Variants in XKR3 observed in about 807,000 individuals in gnomAD.
XKR3 encodes XK related 3.
XKR3 carries 27 observed loss-of-function variants against 40.3 expected under a neutral mutation model. The ratio of observed to expected loss-of-function variants is 0.67; its 90% confidence interval spans 0.49 to 0.92. The LOEUF (loss-of-function observed/expected upper bound fraction) is 0.92, where lower values mean the gene tolerates loss of function less well. Ranked by LOEUF, XKR3 falls within the 40% of genes least tolerant of loss-of-function variation. The probability of loss-of-function intolerance (pLI) is 0.00; values close to 1 mark genes in which losing one functional copy is unlikely to be tolerated. For missense variants in XKR3, 472 were observed against 537.6 expected (o/e 0.88, Z 1.21); for synonymous variants, 193 against 195.4 (o/e 0.99, Z 0.10).
In XKR3 at chr22:16,808,004, CTA is replaced by C. The variant is rs1278114888; in HGVS notation, c.68_69del (p.Ile23SerfsTer13). 1.3e-5 allele frequency: 21 copies of C among 1,613,532 alleles called. No individual in the cohort carries two copies. Among genetic ancestry groups the C allele is most frequent in the Non-Finnish European group, 1.8e-5 (21 of 1,179,808 alleles). On this transcript the variant is annotated frameshift_variant, in exon 2 of 4. Coordinates refer to ENST00000684488, the MANE Select transcript of XKR3 (RefSeq NM_001386955.1). LOFTEE classifies it high-confidence loss of function. ...TGGVSSSKEE[I>X]VLGQRLHLSF... The stretch of plus-strand genomic sequence containing the variant: ...CTTAGATGGAGTCTCTGGCCAAGGA[CTA>C]TTTCTTCTTTCGAAGATGAAACTCC...
intron 3 of XKR3, among the ~76,000 whole-genome samples, chr22:16,784,722 CT>C (rs2060082772): frequency 6.6e-6 from 1 of 152,080 alleles, no homozygotes; most frequent in Non-Finnish European, 1.5e-5. Context: ...ACATTCAGAT[CT>C]GATGCTATAA....
chr22:16,819,615 G>T (rs1316006188), intron 1 of XKR3, among the ~76,000 whole-genome samples: 1 of 152,100 alleles, frequency 6.6e-6, no homozygotes, highest in East Asian at 1.9e-4. Context: ...ATGCAAAATG[G>T]TTCATGAACT....
chr22:16,795,141 C>G (rs1487003556), intron 3 of XKR3, among the ~76,000 whole-genome samples: 13 of 152,240 alleles, frequency 8.5e-5, no homozygotes, highest in African/African-American at 2.4e-4. Flanking sequence ...CTAAGATGGA[C>G]TCTGAGCAAT....
intron 3 of XKR3, among the ~76,000 whole-genome samples, chr22:16,787,816 CAT>C (rs2060097158): frequency 6.6e-6 from 1 of 151,504 alleles, no homozygotes; most frequent in African/African-American, 2.4e-5. Context: ...CAGGAATATA[CAT>C]ATATATTTAT....
rs967099087 is a variant in XKR3 at position 16,784,484 on chromosome 22, A to G, written c.590-75T>C. On this transcript the variant is annotated intron_variant, in intron 3 of 3. Coordinates refer to ENST00000684488, the MANE Select transcript of XKR3 (RefSeq NM_001386955.1). ...GACCACTTTCTTTTTTAAACTTGCC[A>G]TTTTAAGATATATTCTTCCTCACCC... 6 of 1,320,390 alleles carry G rather than the reference A, an allele frequency of 4.5e-6. No homozygotes were observed. The African/African-American group carries it at 7.5e-5, about 16-fold the overall frequency. 81.8% of individuals were successfully genotyped at this position (1,320,390 alleles called of 1,614,324 possible).
rs568191820 is a variant in XKR3 at position 16,823,284 on chromosome 22, GAA to G, written c.-11+2005_-11+2006del. 6.0e-3 allele frequency among the ~76,000 whole-genome samples: 913 copies of G among 152,270 alleles called. 4 individuals carry two copies. The highest frequency in any genetic ancestry group is 8.3e-3 in the Non-Finnish European group (566 of 68,014). On this transcript the variant is annotated intron_variant, in intron 1 of 3. Coordinates refer to ENST00000684488, the MANE Select transcript of XKR3 (RefSeq NM_001386955.1). ...CTTCCTGGGGAGATAGCAGTGTAGA[GAA>G]AATAATACATCGGCAGCAGGAAGAA...
At chr22:16,803,993 C>G (rs374038865) in intron 2 of XKR3, among the ~76,000 whole-genome samples, 4 of 152,312 alleles carry the variant, frequency 2.6e-5, no homozygotes, top group Non-Finnish European at 1.5e-5. Flanking sequence ...ATCAGGACCA[C>G]TTTCCCATAA....
chr22:16,786,461 C>T, intron 3 of XKR3, among the ~76,000 whole-genome samples: 1 of 152,118 alleles, frequency 6.6e-6, no homozygotes, highest in East Asian at 1.9e-4. Context: ...TAGACACATC[C>T]CGACAACAGA....
In XKR3 at chr22:16,807,628, A is replaced by T; in HGVS notation, c.335+111T>A. The T allele has an allele frequency of 5.0e-6, 5 of 1,003,750 alleles. No individual in the cohort carries two copies. In the South Asian group the frequency reaches 9.1e-5, roughly 18 times the overall value. The allele number at this position is 1,003,750 out of a possible 1,614,324, so 62.2% of individuals were successfully genotyped here. ...AAACTAAATAAATCTAAAGAGGGAA[A>T]TATTTCAATTCCGTAAACGATAATT... On this transcript the variant is annotated intron_variant, in intron 2 of 3. Coordinates refer to ENST00000684488, the MANE Select transcript of XKR3 (RefSeq NM_001386955.1).
At chr22:16,824,142 A>G (rs2060265938) in intron 1 of XKR3, among the ~76,000 whole-genome samples, 1 of 152,196 alleles carries the variant, frequency 6.6e-6, no homozygotes, top group African/African-American at 2.4e-5. Context: ...CAATGTCACA[A>G]AAAGAGAGAC....
At chr22:16,808,786 CAATT>C (rs577490840) in intron 1 of XKR3, among the ~76,000 whole-genome samples, 134 of 151,986 alleles carry the variant, frequency 8.8e-4, no homozygotes, top group African/African-American at 3.2e-3. Flanking sequence ...CTGTGAACAT[CAATT>C]AGTCACTATG....
rs777221397 is a variant in XKR3, at chr22:16,799,760, ACT to A, written c.589+9_589+10del. The A allele has an allele frequency of 9.2e-5, 148 of 1,612,676 alleles. 1 individual carries two copies. The highest frequency in any genetic ancestry group is 7.5e-5 in the Non-Finnish European group (88 of 1,179,312). On this transcript the variant is annotated intron_variant, in intron 3 of 3. Transcript: ENST00000684488. ...TTTGTGTGTCTTTCAGCATCAAGTAACTCAACTTACCTCTATTCAAAGGCCAT... is the reference window on the plus strand; with the variant it reads ...TTTGTGTGTCTTTCAGCATCAAGTAACAACTTACCTCTATTCAAAGGCCAT...
intron 1 of XKR3, among the ~76,000 whole-genome samples, chr22:16,821,436 T>G (rs1460995612): frequency 1.3e-5 from 2 of 152,124 alleles, no homozygotes; most frequent in Non-Finnish European, 2.9e-5. Context: ...GTTACTGTGT[T>G]TCAAGTACCT....
At chr22:16,785,343 G>A (rs28720798) in intron 3 of XKR3, among the ~76,000 whole-genome samples, 1,716 of 151,648 alleles carry the variant, frequency 0.011, 29 homozygotes, top group African/African-American at 0.039. Context: ...AAAAAGAAGT[G>A]TGTGTGTGCA....
chr22:16,788,363 A>T (rs1338788224), intron 3 of XKR3, among the ~76,000 whole-genome samples: 1 of 152,156 alleles, frequency 6.6e-6, no homozygotes, highest in Non-Finnish European at 1.5e-5. Context: ...AAACCAAAGA[A>T]TTAGAAAAAC....
intron 1 of XKR3, among the ~76,000 whole-genome samples, chr22:16,817,414 A>G (rs2060238381): frequency 6.6e-6 from 1 of 152,076 alleles, no homozygotes; most frequent in Non-Finnish European, 1.5e-5. Context: ...ATCTGACCTC[A>G]GTCTTGAATA....
intron 1 of XKR3, among the ~76,000 whole-genome samples, chr22:16,815,160 C>A (rs934460031): frequency 6.6e-6 from 1 of 151,864 alleles, no homozygotes; most frequent in Non-Finnish European, 1.5e-5. Context: ...GTGCTTTTAT[C>A]GTAGAAAGGT....
chr22:16,792,179 C>A (rs1164088800), intron 3 of XKR3, among the ~76,000 whole-genome samples: 2 of 152,162 alleles, frequency 1.3e-5, no homozygotes, highest in African/African-American at 2.4e-5. Context: ...ACCCTAACCT[C>A]ATGTGATCCA....
At position 16,784,329 on chromosome 22, in the gene XKR3, C is replaced by T; in HGVS notation, c.670G>A (p.Asp224Asn). The T allele has an allele frequency of 2.5e-6, 4 of 1,614,178 alleles. No homozygotes were observed. The South Asian group carries it at 4.4e-5, about 18-fold the overall frequency. ...GGCGGTAGCTTAATGGTAGTATCAT[C>T]ATTGCTGATCTGGATGGCCAGTATA... ...CNILAIQISN[D>N]DTTIKLPPIE... Residue 224 changes from aspartate to asparagine, a missense_variant, in exon 4 of 4, where the codon GAT becomes AAT. Asp to Asn is a conservative substitution (Grantham distance 23). Transcript: ENST00000684488.
Sources: gnomAD v4.1 joint callset for allele counts (sites outside exome capture counted in the v4.1 genomes callset) on GRCh38, gnomAD v4.1.1 for gene constraint, MANE v1.5 for transcripts, NCBI Gene and HGNC (gene_info 2026-07-23, HGNC 2026-07-21) for gene names.